Variants in ZSCAN25 observed in about 807,000 individuals in gnomAD.
ZSCAN25 encodes zinc finger and SCAN domain-containing protein 25.
ZSCAN25 carries 27 observed loss-of-function variants against 38.7 expected under a neutral mutation model. The observed-to-expected ratio is 0.70, with a 90% CI of 0.51 to 0.96. ZSCAN25 has a LOEUF of 0.96. ZSCAN25 is among the 40% of genes least tolerant of loss of function. The pLI, the probability that ZSCAN25 is intolerant of heterozygous loss-of-function variation, is 0.00. For missense variants in ZSCAN25, 637 were observed against 705.9 expected (o/e 0.90, Z 1.11); for synonymous variants, 273 against 277.7 (o/e 0.98, Z 0.17).
the ZSCAN25 span, among the ~76,000 whole-genome samples, chr7:99,677,464 A>G: frequency 6.6e-6 from 1 of 152,246 alleles, no homozygotes; most frequent in Non-Finnish European, 1.5e-5. Flanking sequence ...ATGGTGCAGT[A>G]TGGCATATAA....
the ZSCAN25 span, among the ~76,000 whole-genome samples, chr7:99,637,799 A>G: frequency 6.6e-6 from 1 of 152,242 alleles, no homozygotes. Flanking sequence ...TTTTCAGTTT[A>G]CTAGATGAAA....
At chr7:99,621,628 A>G in intron 5 of ZSCAN25, 54 bp downstream of exon 5, 3 of 1,266,292 alleles carry the variant, frequency 2.4e-6, no homozygotes, top group Non-Finnish European at 3.0e-6. Context: ...AGTGCTGTGC[A>G]GCCAACTCTC....
At position 99,629,224 on chromosome 7, in the gene ZSCAN25, C is replaced by T. The variant is rs146380631; in HGVS notation, c.839C>T (p.Pro280Leu). The T allele has an allele frequency of 3.6e-5, 58 of 1,612,892 alleles. No individual in the cohort carries two copies. The highest frequency in any genetic ancestry group is 4.7e-5 in the Non-Finnish European group (56 of 1,179,578). Residue 280 changes from proline to leucine, a missense_variant, in exon 8 of 8, where the codon CCA becomes CTA. Transcript: ENST00000394152. The surrounding 1 kb of genome is among the most constrained non-coding windows in gnomAD (Gnocchi z 5.6). ...AGCAAGGAAAAGGAGGCAAAACCCC[C>T]ACAGGAAGACCTGAAAGGGGCGCTG... ...GGSKEKEAKP[P>L]QEDLKGALVA... is the part of the protein sequence containing the mutation.
the ZSCAN25 span, chr7:99,638,722 C>T: frequency 7.8e-7 from 1 of 1,284,214 alleles, no homozygotes; most frequent in South Asian, 1.2e-5. Flanking sequence ...CATGAGGATC[C>T]ACATTTCCTT....
the ZSCAN25 span, among the ~76,000 whole-genome samples, chr7:99,712,245 G>A: frequency 6.6e-6 from 1 of 152,158 alleles, no homozygotes; most frequent in Admixed American, 6.5e-5. Context: ...TGTGAGAAAT[G>A]TCAACAGAGC....
chr7:99,690,050 T>C, the ZSCAN25 span, among the ~76,000 whole-genome samples: 1 of 152,194 alleles, frequency 6.6e-6, no homozygotes, highest in African/African-American at 2.4e-5. Flanking sequence ...CTTCAAACTA[T>C]ACTACAAGGC....
chr7:99,697,119 C>A, the ZSCAN25 span, among the ~76,000 whole-genome samples: 1 of 152,210 alleles, frequency 6.6e-6, no homozygotes, highest in South Asian at 2.1e-4. Flanking sequence ...TAGGAAAGGA[C>A]TAATACACCC....
downstream of ZSCAN25, among the ~76,000 whole-genome samples, chr7:99,633,738 A>G (rs1483041324): frequency 6.6e-6 from 1 of 152,158 alleles, no homozygotes. Flanking sequence ...GCCTGCACTC[A>G]TGGATTTAAA....
chr7:99,723,465 C>T, the ZSCAN25 span, among the ~76,000 whole-genome samples: 2 of 152,326 alleles, frequency 1.3e-5, no homozygotes, highest in African/African-American at 4.8e-5. Flanking sequence ...ACCCCTATCT[C>T]CCTTTGCAGA....
the ZSCAN25 span, chr7:99,674,563 T>C: frequency 6.2e-7 from 1 of 1,613,784 alleles, no homozygotes; most frequent in Non-Finnish European, 8.5e-7. Flanking sequence ...TTTATAGCAC[T>C]CTGTGTCAAA....
chr7:99,673,546 A>G, the ZSCAN25 span, among the ~76,000 whole-genome samples: 1 of 152,278 alleles, frequency 6.6e-6, no homozygotes, highest in Admixed American at 6.5e-5. Flanking sequence ...AAATTTAAAC[A>G]ACAAAGCAGA....
At chr7:99,640,310 C>T in the ZSCAN25 span, among the ~76,000 whole-genome samples, 6 of 152,132 alleles carry the variant, frequency 3.9e-5, no homozygotes, top group Non-Finnish European at 5.9e-5. Context: ...AGGCGCCTGC[C>T]GTAGCCTGGC....
At chr7:99,632,676 A>G (rs1395556827), downstream of ZSCAN25, among the ~76,000 whole-genome samples, 2 of 152,158 alleles carry the variant, frequency 1.3e-5, no homozygotes, top group Admixed American at 1.3e-4. Flanking sequence ...CTGTGGTCCC[A>G]GCTATTCAGG....
the ZSCAN25 span, chr7:99,684,892 G>T: frequency 2.9e-5 from 9 of 313,736 alleles, no homozygotes; most frequent in Admixed American, 2.3e-4. Flanking sequence ...AGATTGTCCT[G>T]TGAGAAACAA....
the ZSCAN25 span, among the ~76,000 whole-genome samples, chr7:99,690,670 C>A: frequency 6.6e-6 from 1 of 152,084 alleles, no homozygotes; most frequent in East Asian, 1.9e-4. Flanking sequence ...GACATTTATG[C>A]ACCCAACAGA....
At chr7:99,717,743 T>C in the ZSCAN25 span, 12 of 1,405,588 alleles carry the variant, frequency 8.5e-6, no homozygotes, top group Admixed American at 2.0e-5. Flanking sequence ...AAATATTTAG[T>C]GACTGTCTAC....
chr7:99,689,293 G>T, the ZSCAN25 span, among the ~76,000 whole-genome samples: 1 of 152,164 alleles, frequency 6.6e-6, no homozygotes, highest in African/African-American at 2.4e-5. Context: ...GAAGAAAAGA[G>T]AGAAGAATCA....
chr7:99,691,828 T>C, the ZSCAN25 span, among the ~76,000 whole-genome samples: 1 of 152,190 alleles, frequency 6.6e-6, no homozygotes, highest in Non-Finnish European at 1.5e-5. Context: ...AGCACACCAA[T>C]GGGTCTTCAC....
chr7:99,733,917 G>A, the ZSCAN25 span, among the ~76,000 whole-genome samples: 19 of 152,324 alleles, frequency 1.2e-4, no homozygotes, highest in Non-Finnish European at 2.5e-4. Context: ...GACATATGCA[G>A]TCTTGTCCTA....
Sources: allele counts gnomAD v4.1 joint callset (sites outside exome capture counted in the v4.1 genomes callset), GRCh38; gene constraint gnomAD v4.1.1; non-coding constraint Gnocchi (gnomAD v3.1); transcripts MANE v1.5; gene names NCBI Gene and HGNC (gene_info 2026-07-23, HGNC 2026-07-21).